GOSR1: variants seen among roughly 807,000 people sequenced by gnomAD.
GOSR1 encodes the protein golgi SNAP receptor complex member 1, also known as 28 kDa Golgi SNARE protein.
In GOSR1, 21 loss-of-function variants were observed where a neutral mutation model predicts 35.5. That is an observed-to-expected ratio of 0.59 (90% CI 0.42 to 0.85). The LOEUF (loss-of-function observed/expected upper bound fraction) is 0.85. GOSR1 is among the 40% of genes least tolerant of loss of function. The pLI is 0.00. For missense variants in GOSR1, 285 were observed against 309.6 expected (o/e 0.92, Z 0.60); for synonymous variants, 94 against 106.6 (o/e 0.88, Z 0.73).
chr17:30,490,502 C>T (rs1175207044), intron 5 of GOSR1, among the ~76,000 whole-genome samples: 1 of 152,138 alleles, frequency 6.6e-6, no homozygotes, highest in Non-Finnish European at 1.5e-5. Context: ...TCTCTGATCT[C>T]TTACCTCCCA....
chr17:30,497,585 C>T (rs1026814168), intron 6 of GOSR1, among the ~76,000 whole-genome samples: 6 of 152,114 alleles, frequency 3.9e-5, no homozygotes, highest in African/African-American at 9.7e-5. Context: ...ATGGAGTAGA[C>T]GAATTCTAAA....
intron 7 of GOSR1, among the ~76,000 whole-genome samples, chr17:30,515,327 A>G (rs1358630157): frequency 2.0e-5 from 3 of 148,396 alleles, no homozygotes; most frequent in Admixed American, 1.4e-4. Context: ...TTTTCTGTAG[A>G]CATGGTGTTT....
intron 8 of GOSR1, among the ~76,000 whole-genome samples, chr17:30,520,776 T>C (rs1223879854): frequency 6.6e-6 from 1 of 152,242 alleles, no homozygotes; most frequent in Admixed American, 6.5e-5. Flanking sequence ...TAGTTTGATA[T>C]GTCTTTGCCT....
At chr17:30,504,607 T>G (rs1302845235) in intron 6 of GOSR1, among the ~76,000 whole-genome samples, 6 of 152,204 alleles carry the variant, frequency 3.9e-5, no homozygotes, top group Non-Finnish European at 5.9e-5. Flanking sequence ...AAAATGTGAT[T>G]TAAATTGGTC....
At chr17:30,500,125 C>G (rs1408098656) in intron 6 of GOSR1, among the ~76,000 whole-genome samples, 1 of 152,128 alleles carries the variant, frequency 6.6e-6, no homozygotes, top group Non-Finnish European at 1.5e-5. Context: ...GAGCCTGTGA[C>G]TTCCTTTTCT....
At chr17:30,497,209 G>T (rs1475074866) in intron 6 of GOSR1, among the ~76,000 whole-genome samples, 1 of 152,062 alleles carries the variant, frequency 6.6e-6, no homozygotes, top group Admixed American at 6.5e-5. Flanking sequence ...ATTGGTCTGG[G>T]CAACATAGCA....
chr17:30,511,757 CT>C (rs1210916436), intron 7 of GOSR1, among the ~76,000 whole-genome samples: 9 of 152,138 alleles, frequency 5.9e-5, no homozygotes, highest in African/African-American at 2.2e-4. Flanking sequence ...TCCCGAACTC[CT>C]GACCTCAGGT....
chr17:30,520,033 G>C lies in GOSR1; in HGVS notation c.622+12G>C, dbSNP rs201496700. The C allele has an allele frequency of 5.1e-4, 783 of 1,538,366 alleles. No individual in the cohort carries two copies. Among genetic ancestry groups the C allele is most frequent in the Non-Finnish European group, 6.7e-4 (749 of 1,111,512 alleles). ...GAACACTTTGGCCAGTATCCTTTTT[G>C]AATGTTCGCAGTCTGTGTTTTGAGG... On this transcript the variant is annotated intron_variant, in intron 8 of 8. Coordinates refer to ENST00000451249, the MANE Select transcript of GOSR1 (RefSeq NM_001007025.2).
intron 6 of GOSR1, among the ~76,000 whole-genome samples, chr17:30,507,106 T>G (rs1369438937): frequency 6.6e-6 from 1 of 152,140 alleles, no homozygotes; most frequent in Non-Finnish European, 1.5e-5. Flanking sequence ...ACAGCATTCA[T>G]TCTGAAGCCT....
At chr17:30,484,514 C>T (rs1914551200) in intron 3 of GOSR1, 149 bp from the exon 4 acceptor site, 1 of 616,816 alleles carries the variant, frequency 1.6e-6, no homozygotes, top group East Asian at 2.8e-5. Context: ...ATGCTGAATT[C>T]TTACTTGCTC....
In GOSR1 at chr17:30,481,147, C is replaced by T; in HGVS notation, c.36C>T (p.Leu12=). ...AAGTSSYWED[L]RKQARQLENE... is the part of the protein sequence containing the mutation. ...GTTGTTATAATTTTGTTAAAGATCT[C>T]AGGAAACAGGCTCGACAGCTGGAAA... The change falls in exon 2 of 9, where the codon CTC becomes CTT. Residue 12 remains leucine (L), a synonymous_variant. Coordinates refer to ENST00000451249, the MANE Select transcript of GOSR1 (RefSeq NM_001007025.2). 1 of 1,592,216 alleles carries T rather than the reference C, an allele frequency of 6.3e-7. No individual in the cohort carries two copies.
intron 4 of GOSR1, chr17:30,485,103 T>C (rs1389023633): frequency 2.0e-5 from 7 of 355,892 alleles, no homozygotes; most frequent in Non-Finnish European, 3.8e-5. Flanking sequence ...TGGGTAAGCG[T>C]GTACTTTCAG....
intron 8 of GOSR1, among the ~76,000 whole-genome samples, chr17:30,521,212 C>G (rs1365358015): frequency 7.5e-6 from 1 of 134,162 alleles, no homozygotes; most frequent in African/African-American, 2.7e-5. Context: ...AGAGTCTCAC[C>G]CTGTTACCAT....
intron 7 of GOSR1, among the ~76,000 whole-genome samples, chr17:30,517,502 A>G (rs1967865452): frequency 6.6e-6 from 1 of 152,208 alleles, no homozygotes; most frequent in African/African-American, 2.4e-5. Flanking sequence ...TGTTAATAGA[A>G]ATAATACTAA....
intron 2 of GOSR1, chr17:30,483,127 CTT>C (rs562204816): frequency 0.065 from 8,507 of 131,236 alleles, 769 homozygotes; most frequent in African/African-American, 0.21. Flanking sequence ...ATCTTTCTTT[CTT>C]TTTTTTTTTT....
At chr17:30,495,626 A>G (rs1282240285) in intron 6 of GOSR1, 5 of 324,576 alleles carry the variant, frequency 1.5e-5, no homozygotes, top group African/African-American at 1.1e-4. Flanking sequence ...GTCAGCCAAC[A>G]CATTTTCTCC....
Position 30,477,726 on chromosome 17 carries a change from G to A in GOSR1, c.31+262G>A, listed in dbSNP as rs1224061551. 8 of 985,216 alleles carry A rather than the reference G, an allele frequency of 8.1e-6. No individual in the cohort carries two copies. The East Asian group carries it at 7.9e-4, about 98-fold the overall frequency. The allele number at this position is 985,216 out of a possible 1,614,324, so 61.0% of individuals were successfully genotyped here. ...CAGAGCGGGGATGTAGAGGAAGAGG[G>A]CTCTCAATCGCCTGGGTAGAATTGT... is the stretch of plus-strand genomic sequence containing the variant. On this transcript the variant is annotated intron_variant, in intron 1 of 8. Coordinates refer to ENST00000451249, the MANE Select transcript of GOSR1 (RefSeq NM_001007025.2).
chr17:30,477,810 C>G (rs1280103077), intron 1 of GOSR1: 22 of 984,994 alleles, frequency 2.2e-5, no homozygotes, highest in Non-Finnish European at 2.7e-5. Flanking sequence ...TGAGAGGAAA[C>G]GAATGTTGAG....
At chr17:30,502,965 A>T (rs1967269455) in intron 6 of GOSR1, among the ~76,000 whole-genome samples, 1 of 152,384 alleles carries the variant, frequency 6.6e-6, no homozygotes, top group Non-Finnish European at 1.5e-5. Context: ...TCTCACCACA[A>T]TGCTTAATGT....
Sources: allele counts gnomAD v4.1 joint callset (sites outside exome capture counted in the v4.1 genomes callset), GRCh38; gene constraint gnomAD v4.1.1; transcripts MANE v1.5; gene names NCBI Gene and HGNC (gene_info 2026-07-23, HGNC 2026-07-21).